Variants in KIAA0825 observed in about 807,000 individuals in gnomAD.
KIAA0825 encodes uncharacterized protein KIAA0825.
A neutral mutation model predicts 147.6 loss-of-function variants in KIAA0825; 119 were observed. The ratio of observed to expected loss-of-function variants is 0.81; its 90% CI spans 0.69 to 0.94. KIAA0825 has a LOEUF of 0.94. Ranked by LOEUF, KIAA0825 falls within the 40% of genes least tolerant of loss-of-function variation. The probability of loss-of-function intolerance (pLI) is 0.00; values close to 1 mark genes in which losing one functional copy is unlikely to be tolerated. For synonymous variants in KIAA0825, 470 were observed against 518.1 expected, an observed-to-expected ratio of 0.91 and a Z score of 1.26; for missense variants, 1,381 against 1,472.7, an observed-to-expected ratio of 0.94 and a Z score of 1.02.
intron 20 of KIAA0825, among the ~76,000 whole-genome samples, chr5:94,252,522 T>C (rs1776017888): frequency 6.6e-6 from 1 of 151,888 alleles, no homozygotes; most frequent in Admixed American, 6.6e-5. Flanking sequence ...GTTCACAAAA[T>C]TAAAAGGAAA....
intron 17 of KIAA0825, among the ~76,000 whole-genome samples, chr5:94,392,977 G>A (rs1349405086): frequency 6.6e-6 from 1 of 151,390 alleles, no homozygotes; most frequent in African/African-American, 2.4e-5. Flanking sequence ...GGTGCATACA[G>A]GTTGCAAAAA....
chr5:94,547,846 T>A (rs1290379554), intron 2 of KIAA0825, among the ~76,000 whole-genome samples: 5 of 147,558 alleles, frequency 3.4e-5, no homozygotes, highest in African/African-American at 1.0e-4. Flanking sequence ...CAGGAGAGAG[T>A]GGCAGGATAT....
At position 94,523,949 on chromosome 5, in the gene KIAA0825, A is replaced by G; in HGVS notation, c.281T>C (p.Ile94Thr). The G allele has an allele frequency of 6.3e-7, 1 of 1,598,222 alleles. No homozygotes were observed. The highest frequency in any genetic ancestry group is 8.5e-7 in the Non-Finnish European group (1 of 1,171,558). The change falls in exon 4 of 21, where the codon ATA (isoleucine) becomes ACA (threonine). Residue 94 changes from isoleucine to threonine, a missense_variant. Coordinates refer to ENST00000682413, the MANE Select transcript of KIAA0825 (RefSeq NM_001145678.3). ...TTTTACCAGTGTTTTGAAAAATTTT[A>G]TCAAGTCTCCATGAGAAATGAAAGA... ...ESSFISHGDL[I>T]KFFKTLQDLL...
chr5:94,535,764 T>C (rs1176389624), intron 3 of KIAA0825, among the ~76,000 whole-genome samples: 1 of 152,188 alleles, frequency 6.6e-6, no homozygotes, highest in Non-Finnish European at 1.5e-5. Flanking sequence ...AACTATCTCC[T>C]GTCATAAAGA....
chr5:94,212,653 T>A (rs754001561), intron 20 of KIAA0825, among the ~76,000 whole-genome samples: 39 of 152,192 alleles, frequency 2.6e-4, no homozygotes, highest in Admixed American at 1.4e-3. Flanking sequence ...AAGTGGATGC[T>A]GCATGTATAG....
intron 9 of KIAA0825, among the ~76,000 whole-genome samples, chr5:94,471,008 A>T (rs1447843298): frequency 3.3e-5 from 5 of 152,216 alleles, no homozygotes; most frequent in African/African-American, 1.2e-4. Context: ...TTCAAATATT[A>T]TACTTTACTA....
chr5:94,471,804 C>T lies in KIAA0825; in HGVS notation c.1456-73G>A, dbSNP rs1473429965. The T allele has an allele frequency of 1.0e-5, 14 of 1,340,842 alleles. No homozygotes were observed. In the East Asian group the frequency reaches 3.5e-4, roughly 34 times the overall value. 83.1% of individuals were successfully genotyped at this position (1,340,842 alleles called of 1,614,324 possible). Reference sequence around the variant, plus strand: ...CCAAGTAATTTATGGACAGTGGAGCCAAATTCCTAAATAATGAATTTGGCA... The same window carrying T: ...CCAAGTAATTTATGGACAGTGGAGCTAAATTCCTAAATAATGAATTTGGCA... On this transcript the variant is annotated intron_variant, in intron 8 of 20. Transcript: ENST00000682413.
intron 20 of KIAA0825, among the ~76,000 whole-genome samples, chr5:94,360,465 AG>A (rs1744913036): frequency 6.6e-6 from 1 of 152,214 alleles, no homozygotes; most frequent in Non-Finnish European, 1.5e-5. Context: ...AGGATGAGAT[AG>A]GAGGTTGGCA....
intron 20 of KIAA0825, among the ~76,000 whole-genome samples, chr5:94,356,926 C>T (rs1189660174): frequency 6.6e-6 from 1 of 151,742 alleles, no homozygotes; most frequent in East Asian, 2.0e-4. Flanking sequence ...GGTTTCACCA[C>T]GTTGGCCAGT....
chr5:94,529,057 T>C (rs1214303004), intron 3 of KIAA0825, among the ~76,000 whole-genome samples: 1 of 151,550 alleles, frequency 6.6e-6, no homozygotes, highest in African/African-American at 2.4e-5. Context: ...TTATCTCCAA[T>C]TGTCCTGATT....
chr5:94,476,135 C>T (rs946627344), intron 7 of KIAA0825, among the ~76,000 whole-genome samples: 7 of 152,242 alleles, frequency 4.6e-5, no homozygotes, highest in Non-Finnish European at 1.0e-4. Flanking sequence ...TTATTAAAGG[C>T]GAAAACTCTG....
At chr5:94,273,184 T>C (rs1459574033) in intron 20 of KIAA0825, among the ~76,000 whole-genome samples, 3 of 152,188 alleles carry the variant, frequency 2.0e-5, no homozygotes, top group Admixed American at 2.0e-4. Flanking sequence ...ACTTATCTCA[T>C]AAATTTGTTG....
intron 20 of KIAA0825, among the ~76,000 whole-genome samples, chr5:94,301,828 T>C (rs1053678400): frequency 3.3e-5 from 5 of 152,114 alleles, no homozygotes; most frequent in African/African-American, 9.6e-5. Context: ...ATCTAATAGG[T>C]TTTCACAAAG....
chr5:94,503,923 A>C (rs1221312013), intron 5 of KIAA0825, among the ~76,000 whole-genome samples: 3 of 152,202 alleles, frequency 2.0e-5, no homozygotes, highest in Admixed American at 2.0e-4. Flanking sequence ...TCAAAGTAGC[A>C]AGGCACTGAA....
intron 2 of KIAA0825, among the ~76,000 whole-genome samples, chr5:94,560,929 T>A (rs1777447109): frequency 6.6e-6 from 1 of 152,218 alleles, no homozygotes; most frequent in African/African-American, 2.4e-5. Context: ...CAAAAACTCT[T>A]GGAATTTCCT....
intron 20 of KIAA0825, among the ~76,000 whole-genome samples, chr5:94,197,627 C>A (rs752800076): frequency 2.4e-4 from 36 of 152,156 alleles, no homozygotes; most frequent in Non-Finnish European, 4.4e-4. Flanking sequence ...AGTCTTTAAT[C>A]CATCATGAGT....
chr5:94,561,827 C>T (rs888857825), intron 2 of KIAA0825, among the ~76,000 whole-genome samples: 1 of 152,160 alleles, frequency 6.6e-6, no homozygotes, highest in Non-Finnish European at 1.5e-5. Flanking sequence ...TTCCTCTACA[C>T]TAATAATGTT....
intron 20 of KIAA0825, among the ~76,000 whole-genome samples, chr5:94,317,124 G>A (rs1157208894): frequency 6.6e-6 from 1 of 151,808 alleles, no homozygotes; most frequent in Non-Finnish European, 1.5e-5. Flanking sequence ...CAAGTGGGAA[G>A]GGAGTGTGAA....
At chr5:94,371,781 A>T (rs1490110242) in intron 20 of KIAA0825, among the ~76,000 whole-genome samples, 1 of 152,152 alleles carries the variant, frequency 6.6e-6, no homozygotes, top group African/African-American at 2.4e-5. Context: ...CACATTTCAA[A>T]ACACAATCAT....
Sources: allele counts gnomAD v4.1 joint callset (sites outside exome capture counted in the v4.1 genomes callset), GRCh38; gene constraint gnomAD v4.1.1; transcripts MANE v1.5; gene names NCBI Gene and HGNC (gene_info 2026-07-23, HGNC 2026-07-21).